The following ARHGEF18 variants were observed in gnomAD, a reference collection of about 807,000 sequenced individuals.
The protein encoded by ARHGEF18 is Rho/Rac guanine nucleotide exchange factor 18, also known as rho guanine nucleotide exchange factor 18.
A neutral mutation model predicts 155.7 loss-of-function variants in ARHGEF18; 93 were observed. That is an observed-to-expected ratio of 0.60 (90% CI 0.50 to 0.71). ARHGEF18 has a LOEUF of 0.71. ARHGEF18 is among the 30% of genes least tolerant of loss of function. ARHGEF18 has a pLI of 0.00. For missense variants in ARHGEF18, 1,593 were observed against 1,816.1 expected (o/e 0.88, Z 2.23); for synonymous variants, 742 against 753.1 (o/e 0.99, Z 0.24).
intron 17 of ARHGEF18, among the ~76,000 whole-genome samples, chr19:7,453,961 T>C (rs975461986): frequency 5.9e-5 from 9 of 152,014 alleles, no homozygotes; most frequent in African/African-American, 2.2e-4. Flanking sequence ...GTTGGATTGG[T>C]GGCATTATAT....
rs758731077 is a variant in ARHGEF18 at position 7,441,646 on chromosome 19, C to T, written c.1107-7C>T. ...CTAAAACAATTGTTTTTATTGTTTG[C>T]ACTCAGACCAATCACAGGAGAGATG... On this transcript the variant is annotated splice_region_variant and splice_polypyrimidine_tract_variant and intron_variant, in intron 11 of 28. Transcript: ENST00000668164. 5 of 1,610,606 alleles carry T rather than the reference C, an allele frequency of 3.1e-6. No homozygotes were observed. Among genetic ancestry groups the T allele is most frequent in the Non-Finnish European group, 4.2e-6 (5 of 1,177,000 alleles).
At chr19:7,439,362 A>T (rs969396542) in intron 10 of ARHGEF18, among the ~76,000 whole-genome samples, 3 of 151,838 alleles carry the variant, frequency 2.0e-5, no homozygotes, top group African/African-American at 7.3e-5. Flanking sequence ...ACTGAGGCAG[A>T]AGGATTGCTT....
chr19:7,356,115 C>T (rs1969291875), intron 1 of ARHGEF18, among the ~76,000 whole-genome samples: 1 of 151,872 alleles, frequency 6.6e-6, no homozygotes, highest in Non-Finnish European at 1.5e-5. Flanking sequence ...GCACACACCT[C>T]CCTCCAACAC....
chr19:7,464,537 T>G, intron 22 of ARHGEF18, 23 bp from the exon 23 acceptor site: 1 of 1,600,270 alleles, frequency 6.2e-7, no homozygotes, highest in Non-Finnish European at 8.5e-7. Flanking sequence ...AGCATCCTCA[T>G]GCCCCTGGCT....
intron 5 of ARHGEF18, among the ~76,000 whole-genome samples, chr19:7,377,775 G>A (rs1970528252): frequency 7.8e-6 from 1 of 128,638 alleles, no homozygotes; most frequent in African/African-American, 3.3e-5. Context: ...GTGACAGAGT[G>A]AAACCGTCTC....
chr19:7,476,641 G>C (rs1796408530), downstream of ARHGEF18, among the ~76,000 whole-genome samples: 1 of 152,246 alleles, frequency 6.6e-6, no homozygotes, highest in Non-Finnish European at 1.5e-5. Context: ...CTGATGAGAG[G>C]TGGCGCCTCT....
At chr19:7,394,603 C>T (rs542590464) in intron 10 of ARHGEF18, among the ~76,000 whole-genome samples, 2 of 151,512 alleles carry the variant, frequency 1.3e-5, no homozygotes, top group African/African-American at 2.4e-5. Flanking sequence ...TGTCCTCCCT[C>T]GGGGTCCCCC....
intron 10 of ARHGEF18, among the ~76,000 whole-genome samples, chr19:7,425,006 A>G (rs1425611953): frequency 6.6e-6 from 1 of 152,034 alleles, no homozygotes; most frequent in African/African-American, 2.4e-5. Context: ...GAAAAAAAAA[A>G]AAAAGGCTCA....
rs1973332651 is a variant in ARHGEF18 at position 7,421,240 on chromosome 19, A to G, written c.968-19104A>G. Among the ~76,000 whole-genome samples the G allele has an allele frequency of 2.6e-5, 4 of 152,176 alleles. No homozygotes were observed. The South Asian group carries it at 8.3e-4, about 32-fold the overall frequency. ...CTTTGACTGCAGTCGGCCCTTGAAC[A>G]GCACGGGTTTCAGCTGCGTGAGTCC... On this transcript the variant is annotated intron_variant, in intron 10 of 28. Coordinates refer to ENST00000668164, the MANE Select transcript of ARHGEF18 (RefSeq NM_001367823.1).
Position 7,380,910 on chromosome 19 carries a change from C to T in ARHGEF18, c.645-7C>T, listed in dbSNP as rs1970703614. The T allele has an allele frequency of 1.6e-6, 2 of 1,231,970 alleles. No homozygotes were observed. The highest frequency in any genetic ancestry group is 4.2e-5 in the Admixed American group (1 of 23,700). The allele number at this position is 1,231,970 out of a possible 1,614,324, so 76.3% of individuals were successfully genotyped here. A position where few individuals can be genotyped will look rare whatever the true frequency, so the allele number is the denominator to read the frequency against. The stretch of plus-strand genomic sequence containing the variant: ...GACCCAGGTATCTGTCCCCTCTGAT[C>T]CTGCAGGGCCCGGCAGAGGGCTTGC... On this transcript the variant is annotated splice_region_variant and splice_polypyrimidine_tract_variant and intron_variant, in intron 7 of 28. Transcript: ENST00000668164.
Position 7,426,698 on chromosome 19 carries a change from G to A in ARHGEF18, c.968-13646G>A, listed in dbSNP as rs557038744. ...ATGCCGCTGCCGTGGCTGAGAGAAC[G>A]TTTGCTCAGAATGGAATGCTTCCAC... is the stretch of plus-strand genomic sequence containing the variant. On this transcript the variant is annotated intron_variant, in intron 10 of 28. Coordinates refer to ENST00000668164, the MANE Select transcript of ARHGEF18 (RefSeq NM_001367823.1). Among the ~76,000 whole-genome samples, 4 of 152,234 alleles carry A rather than the reference G, an allele frequency of 2.6e-5. No homozygotes were observed. The South Asian group carries it at 6.2e-4, about 24-fold the overall frequency.
chr19:7,446,255 C>G (rs952326920), intron 14 of ARHGEF18, among the ~76,000 whole-genome samples: 1 of 151,486 alleles, frequency 6.6e-6, no homozygotes, highest in Non-Finnish European at 1.5e-5. Flanking sequence ...ACCTGTAATC[C>G]CAGCTACTCA....
intron 10 of ARHGEF18, among the ~76,000 whole-genome samples, chr19:7,428,637 TG>T (rs1211997710): frequency 6.6e-6 from 1 of 151,526 alleles, no homozygotes; most frequent in Non-Finnish European, 1.5e-5. Context: ...AGCCCAGGAG[TG>T]GGAGGCTGCA....
the ARHGEF18 span, among the ~76,000 whole-genome samples, chr19:7,479,550 G>T: frequency 3.3e-5 from 5 of 152,358 alleles, no homozygotes; most frequent in East Asian, 7.7e-4. Context: ...CCTGGCTGAT[G>T]CTCCGGCAGC....
At position 7,395,451 on chromosome 19, in the gene ARHGEF18, A is replaced by C. The variant is rs867664960; in HGVS notation, c.967+12248A>C. Among the ~76,000 whole-genome samples the C allele has an allele frequency of 6.6e-6, 1 of 152,048 alleles. No individual in the cohort carries two copies. Among genetic ancestry groups the C allele is most frequent in the Non-Finnish European group, 1.5e-5 (1 of 67,982 alleles). Reference sequence around the variant, plus strand: ...CATGGAGGCTCTAGGCGGCGATTGCAGGGTGCAGAGGTGCAGACGATGCCC... The same window carrying C: ...CATGGAGGCTCTAGGCGGCGATTGCCGGGTGCAGAGGTGCAGACGATGCCC... On this transcript the variant is annotated intron_variant, in intron 10 of 28. Transcript: ENST00000668164. The surrounding 1 kb of genome is among the most constrained non-coding windows in gnomAD (Gnocchi z 5.0).
chr19:7,475,062 C>T (rs1041943891), downstream of ARHGEF18, among the ~76,000 whole-genome samples: 3 of 152,022 alleles, frequency 2.0e-5, no homozygotes, highest in South Asian at 2.1e-4. Flanking sequence ...GGTGAAACCC[C>T]GTTTCTACTA....
Position 7,363,421 on chromosome 19 carries a change from GGAAA to G in ARHGEF18, c.15+520_15+523del, listed in dbSNP as rs140430418. Among the ~76,000 whole-genome samples, 381 of 151,176 alleles carry G rather than the reference GGAAA, an allele frequency of 2.5e-3. 9 individuals carry two copies. In the East Asian group the frequency reaches 0.062, roughly 25 times the overall value. ...GAAGGAGGATGGATGAAGGAAGGAA[GGAAA>G]GAAGGAAGTATGGATGGATAGGTAG... On this transcript the variant is annotated intron_variant, in intron 2 of 28. Coordinates refer to ENST00000668164, the MANE Select transcript of ARHGEF18 (RefSeq NM_001367823.1).
At chr19:7,366,681 A>T (rs568193978) in intron 2 of ARHGEF18, among the ~76,000 whole-genome samples, 44 of 152,282 alleles carry the variant, frequency 2.9e-4, no homozygotes, top group African/African-American at 1.1e-3. Context: ...AGGACAGGGG[A>T]GACTGTGTGA....
At chr19:7,378,706 T>TTTTTTG (rs1970583238) in intron 6 of ARHGEF18, among the ~76,000 whole-genome samples, 1 of 120,884 alleles carries the variant, frequency 8.3e-6, no homozygotes, top group Non-Finnish European at 1.9e-5. Flanking sequence ...TTTTTTTTTT[T>TTTTTTG]TTTTGAGATA....
Sources: gnomAD v4.1 joint callset for allele counts (sites outside exome capture counted in the v4.1 genomes callset) on GRCh38, gnomAD v4.1.1 for gene constraint, Gnocchi (gnomAD v3.1) non-coding constraint, MANE v1.5 for transcripts, NCBI Gene and HGNC (gene_info 2026-07-23, HGNC 2026-07-21) for gene names.